The following LRRTM4 variants were observed in gnomAD, a reference collection of about 807,000 sequenced individuals.
LRRTM4 encodes leucine rich repeat transmembrane neuronal 4.
Under a neutral mutation model 47.6 loss-of-function variants are expected in LRRTM4, and 25 were observed. The observed-to-expected ratio is 0.53, with a 90% CI of 0.38 to 0.73. LRRTM4 has a LOEUF of 0.73. Among genes scored for constraint, LRRTM4 ranks in the 30% least tolerant of loss-of-function variants. The pLI, the probability that LRRTM4 is intolerant of heterozygous loss-of-function variation, is 0.00. For synonymous variants in LRRTM4, 311 were observed against 269.5 expected (o/e 1.15, Z -1.51); for missense variants, 638 against 713.4 (o/e 0.89, Z 1.20).
intron 3 of LRRTM4, among the ~76,000 whole-genome samples, chr2:76,837,272 CT>C (rs199969020): frequency 6.6e-6 from 1 of 151,872 alleles, no homozygotes; most frequent in East Asian, 1.9e-4. Context: ...ATTCTTCTCT[CT>C]TTTTTTATTA....
chr2:77,396,650 GTCAGAGGTATA>G (rs1673715950), intron 3 of LRRTM4, among the ~76,000 whole-genome samples: 1 of 151,880 alleles, frequency 6.6e-6, no homozygotes, highest in Admixed American at 6.6e-5. Context: ...AAAAAGCAGT[GTCAGAGGTATA>G]TTTCAACCAC....
At chr2:77,308,318 C>T (rs1573229061) in intron 3 of LRRTM4, among the ~76,000 whole-genome samples, 2 of 151,660 alleles carry the variant, frequency 1.3e-5, no homozygotes, top group Non-Finnish European at 2.9e-5. Context: ...GATACTAATA[C>T]CTTTGTTTTA....
chr2:77,064,794 CT>C (rs1439368849), intron 3 of LRRTM4, among the ~76,000 whole-genome samples: 1 of 152,006 alleles, frequency 6.6e-6, no homozygotes, highest in East Asian at 1.9e-4. Context: ...ATTGGGGGGA[CT>C]TTTGGATATG....
chr2:76,998,688 A>C (rs1677295197), intron 3 of LRRTM4, among the ~76,000 whole-genome samples: 1 of 152,062 alleles, frequency 6.6e-6, no homozygotes, highest in Non-Finnish European at 1.5e-5. Flanking sequence ...AACCCAAAAA[A>C]ACAAAAAACA....
intron 3 of LRRTM4, among the ~76,000 whole-genome samples, chr2:77,048,729 T>C (rs1378040606): frequency 6.6e-6 from 1 of 151,984 alleles, no homozygotes; most frequent in East Asian, 1.9e-4. Flanking sequence ...TTCAGGGTAA[T>C]TAGCATATCT....
chr2:77,064,593 T>C (rs1204267511), intron 3 of LRRTM4, among the ~76,000 whole-genome samples: 1 of 152,198 alleles, frequency 6.6e-6, no homozygotes, highest in East Asian at 1.9e-4. Context: ...GTGCATATCT[T>C]AGAAGGGCCC....
rs376767481 is a variant in LRRTM4, at chr2:77,139,852, G to C, written c.1551+378466C>G. Reference sequence around the variant, plus strand: ...ATAACAGACAAACAGAGAGCCAAATGATGAGTGAACTCCCATTCACAATTG... The same window carrying C: ...ATAACAGACAAACAGAGAGCCAAATCATGAGTGAACTCCCATTCACAATTG... On this transcript the variant is annotated intron_variant, in intron 3 of 3. Transcript: ENST00000409884. 1.9e-4 allele frequency among the ~76,000 whole-genome samples: 29 copies of C among 152,024 alleles called. 3 individuals carry two copies. In the East Asian group the frequency reaches 3.5e-3, roughly 18 times the overall value.
intron 3 of LRRTM4, among the ~76,000 whole-genome samples, chr2:77,103,680 A>G (rs1383216378): frequency 3.2e-5 from 4 of 125,646 alleles, no homozygotes; most frequent in Non-Finnish European, 4.8e-5. Context: ...TATATCACAT[A>G]TATGTATATA....
chr2:77,127,316 C>A (rs1379588549), intron 3 of LRRTM4, among the ~76,000 whole-genome samples: 1 of 152,068 alleles, frequency 6.6e-6, no homozygotes, highest in Non-Finnish European at 1.5e-5. Flanking sequence ...CATATGGCTC[C>A]TGGTATGCAC....
chr2:76,984,475 A>G (rs1247325130), intron 3 of LRRTM4, among the ~76,000 whole-genome samples: 1 of 151,932 alleles, frequency 6.6e-6, no homozygotes, highest in Non-Finnish European at 1.5e-5. Flanking sequence ...TAGCTTACCG[A>G]TATGTATGCA....
At chr2:77,262,983 G>A (rs1383535655) in intron 3 of LRRTM4, among the ~76,000 whole-genome samples, 1 of 152,054 alleles carries the variant, frequency 6.6e-6, no homozygotes, top group African/African-American at 2.4e-5. Flanking sequence ...TGGTTGCCAA[G>A]GGAACGAATC....
chr2:77,257,687 A>G (rs1675806591), intron 3 of LRRTM4, among the ~76,000 whole-genome samples: 1 of 151,650 alleles, frequency 6.6e-6, no homozygotes, highest in Non-Finnish European at 1.5e-5. Flanking sequence ...AATAACTTAG[A>G]TCAAAAATTT....
chr2:77,407,615 AATATAATATATGATATATTATT>A (rs978880666), intron 3 of LRRTM4, among the ~76,000 whole-genome samples: 19 of 139,382 alleles, frequency 1.4e-4, no homozygotes, highest in Non-Finnish European at 2.6e-4. Context: ...TATAATATAT[AATATAATATATGATATATTATT>A]ATATAATATA....
chr2:76,942,730 C>T (rs934035510), intron 3 of LRRTM4, among the ~76,000 whole-genome samples: 5 of 140,228 alleles, frequency 3.6e-5, no homozygotes, highest in African/African-American at 1.1e-4. Context: ...AGTAGATATA[C>T]ATTTTTAAGT....
At chr2:76,955,605 C>A (rs1675646207) in intron 3 of LRRTM4, among the ~76,000 whole-genome samples, 1 of 151,752 alleles carries the variant, frequency 6.6e-6, no homozygotes, top group African/African-American at 2.4e-5. Flanking sequence ...ATGTTGAGTT[C>A]TCAATTCCCA....
intron 3 of LRRTM4, among the ~76,000 whole-genome samples, chr2:76,803,892 G>A (rs983167439): frequency 1.3e-5 from 2 of 152,114 alleles, no homozygotes; most frequent in Admixed American, 6.6e-5. Context: ...TTGAATATGT[G>A]CTGGATAGAG....
At chr2:77,160,344 T>C (rs921203590) in intron 3 of LRRTM4, among the ~76,000 whole-genome samples, 2 of 152,186 alleles carry the variant, frequency 1.3e-5, no homozygotes, top group African/African-American at 2.4e-5. Flanking sequence ...GACAACACTT[T>C]CCATACAATT....
intron 3 of LRRTM4, among the ~76,000 whole-genome samples, chr2:77,350,086 G>T (rs1301393711): frequency 6.6e-6 from 1 of 151,708 alleles, no homozygotes; most frequent in African/African-American, 2.4e-5. Flanking sequence ...ACTTTGGGAG[G>T]CCGAGGCGGG....
At chr2:77,459,458 T>C (rs373212880) in intron 3 of LRRTM4, among the ~76,000 whole-genome samples, 1 of 151,586 alleles carries the variant, frequency 6.6e-6, no homozygotes, top group Non-Finnish European at 1.5e-5. Flanking sequence ...TGAACCTTAT[T>C]GTAAAAGTCC....
Sources: allele counts gnomAD v4.1 joint callset (sites outside exome capture counted in the v4.1 genomes callset), GRCh38; gene constraint gnomAD v4.1.1; transcripts MANE v1.5; gene names NCBI Gene and HGNC (gene_info 2026-07-23, HGNC 2026-07-21).